BICD1: variants seen among roughly 807,000 people sequenced by gnomAD.
BICD1 encodes protein bicaudal D homolog 1.
In BICD1, 35 loss-of-function variants were observed where a neutral mutation model predicts 92.5. The ratio of observed to expected loss-of-function variants is 0.38; its 90% CI spans 0.29 to 0.50. The LOEUF is 0.50. BICD1 is among the 20% of genes least tolerant of loss of function. The pLI is 0.93. For missense variants in BICD1, 950 were observed against 1,189.8 expected, an observed-to-expected ratio of 0.80 and a Z score of 2.97; for synonymous variants, 429 against 465.1, an observed-to-expected ratio of 0.92 and a Z score of 1.00.
chr12:32,155,552 C>A (rs1943412591), intron 1 of BICD1, among the ~76,000 whole-genome samples: 3 of 152,068 alleles, frequency 2.0e-5, no homozygotes, highest in African/African-American at 7.2e-5. Context: ...TATTGTAAAA[C>A]AAAATGCTAC....
At chr12:32,306,798 TG>T (rs1201570611) in intron 4 of BICD1, among the ~76,000 whole-genome samples, 5 of 151,836 alleles carry the variant, frequency 3.3e-5, no homozygotes, top group Admixed American at 6.6e-5. Context: ...GCGGATCACC[TG>T]AAGTCAGGAG....
intron 1 of BICD1, among the ~76,000 whole-genome samples, chr12:32,182,886 C>CT (rs1335811260): frequency 0.042 from 3,405 of 80,254 alleles, 298 homozygotes; most frequent in African/African-American, 0.13. Flanking sequence ...TCTTTTCTTT[C>CT]TTTCTTTTTT....
intron 1 of BICD1, among the ~76,000 whole-genome samples, chr12:32,173,087 C>T (rs1194215380): frequency 1.3e-5 from 2 of 151,424 alleles, no homozygotes; most frequent in East Asian, 1.9e-4. Flanking sequence ...CTCACTCTGT[C>T]GCCAGGCTGG....
At chr12:32,255,056 G>A (rs185541176) in intron 2 of BICD1, among the ~76,000 whole-genome samples, 125 of 152,228 alleles carry the variant, frequency 8.2e-4, no homozygotes, top group African/African-American at 2.8e-3. Flanking sequence ...TGGAGTCTGA[G>A]AGGTCTAAGA....
chr12:32,147,500 T>C (rs1281527630), intron 1 of BICD1, among the ~76,000 whole-genome samples: 1 of 152,242 alleles, frequency 6.6e-6, no homozygotes, highest in African/African-American at 2.4e-5. Context: ...AGAATTTTTA[T>C]GCTATTTTAA....
chr12:32,116,438 CTCTGTCTG>C (rs1171456421), intron 1 of BICD1, among the ~76,000 whole-genome samples: 1 of 148,272 alleles, frequency 6.7e-6, no homozygotes, highest in Non-Finnish European at 1.5e-5. Context: ...ATGTCTCTGT[CTCTGTCTG>C]TCTGTCTGTC....
chr12:32,254,518 G>GT (rs1231770282), intron 2 of BICD1, among the ~76,000 whole-genome samples: 2 of 152,204 alleles, frequency 1.3e-5, no homozygotes, highest in Non-Finnish European at 2.9e-5. Context: ...ATAATCACTT[G>GT]TAACATCTAT....
intron 2 of BICD1, among the ~76,000 whole-genome samples, chr12:32,242,056 A>C (rs28620980): frequency 0.034 from 5,067 of 150,296 alleles, 278 homozygotes; most frequent in African/African-American, 0.12. Flanking sequence ...AACAAACAAA[A>C]AAACAAAAAT....
intron 1 of BICD1, among the ~76,000 whole-genome samples, chr12:32,120,137 T>C (rs1479613418): frequency 1.3e-5 from 2 of 152,236 alleles, no homozygotes; most frequent in African/African-American, 4.8e-5. Context: ...TGTTTGCAGT[T>C]TTTATGCCAA....
At chr12:32,332,223 G>A (rs1937909130) in intron 5 of BICD1, among the ~76,000 whole-genome samples, 1 of 152,102 alleles carries the variant, frequency 6.6e-6, no homozygotes. Context: ...TCCTGTTGGA[G>A]GCTGAAGGAT....
Position 32,106,911 on chromosome 12 carries a change from C to CT in BICD1, c.-421_-420insT. The CT allele has an allele frequency of 6.1e-6, 1 of 163,200 alleles. No individual in the cohort carries two copies. The highest frequency in any genetic ancestry group is 1.2e-5 in the Non-Finnish European group (1 of 80,798). The allele number at this position is 163,200 out of a possible 1,614,324, so 10.1% of individuals were successfully genotyped here. On this transcript the variant is annotated 5_prime_UTR_variant, in exon 1 of 10. Transcript: ENST00000652176. ...GTGGAGCGAGAGAGCGAGCCGCGAG[C>CT]CGGAGCGCGCCAGACCCAGGGCGAG...
intron 1 of BICD1, among the ~76,000 whole-genome samples, chr12:32,114,584 T>C (rs1449261667): frequency 6.6e-6 from 1 of 152,090 alleles, no homozygotes; most frequent in Non-Finnish European, 1.5e-5. Flanking sequence ...GGTTTTGCCA[T>C]GTAAGCCAGG....
At chr12:32,227,795 G>A (rs1052768959) in intron 2 of BICD1, 5 of 153,872 alleles carry the variant, frequency 3.2e-5, no homozygotes, top group Non-Finnish European at 5.9e-5. Context: ...AATGCCACCT[G>A]GAGCATTCAT....
chr12:32,365,681 T>C (rs1229432827), intron 8 of BICD1, among the ~76,000 whole-genome samples: 3 of 152,206 alleles, frequency 2.0e-5, no homozygotes, highest in Admixed American at 6.5e-5. Flanking sequence ...CTTAACTGCC[T>C]GTCTGGTGGC....
chr12:32,123,892 AAGAC>A (rs1020956296), intron 1 of BICD1, among the ~76,000 whole-genome samples: 4 of 152,122 alleles, frequency 2.6e-5, no homozygotes, highest in Non-Finnish European at 4.4e-5. Flanking sequence ...AAAAAAAAAA[AAGAC>A]AGCCAGTTAT....
chr12:32,359,579 T>C (rs1014699907), intron 8 of BICD1, among the ~76,000 whole-genome samples: 1 of 152,120 alleles, frequency 6.6e-6, no homozygotes, highest in Non-Finnish European at 1.5e-5. Flanking sequence ...AGAGCAGACC[T>C]TTATGATCCA....
intron 2 of BICD1, among the ~76,000 whole-genome samples, chr12:32,234,964 T>C (rs1337289462): frequency 1.3e-5 from 2 of 152,176 alleles, no homozygotes; most frequent in Non-Finnish European, 2.9e-5. Flanking sequence ...GGATTACAGG[T>C]GTGAGCCACT....
intron 2 of BICD1, among the ~76,000 whole-genome samples, chr12:32,219,685 A>G (rs1592498464): frequency 6.6e-6 from 1 of 152,168 alleles, no homozygotes; most frequent in African/African-American, 2.4e-5. Flanking sequence ...ACACATTTTT[A>G]TTTCTGCCTT....
chr12:32,257,558 C>G (rs1266583036), intron 2 of BICD1, among the ~76,000 whole-genome samples: 1 of 151,958 alleles, frequency 6.6e-6, no homozygotes, highest in Non-Finnish European at 1.5e-5. Flanking sequence ...TTGGTACAAC[C>G]ATCTTGAAAA....
Sources: gnomAD v4.1 joint callset for allele counts (sites outside exome capture counted in the v4.1 genomes callset) on GRCh38, gnomAD v4.1.1 for gene constraint, MANE v1.5 for transcripts, NCBI Gene and HGNC (gene_info 2026-07-23, HGNC 2026-07-21) for gene names.